The following MACROD2 variants were observed in gnomAD, a reference collection of about 807,000 sequenced individuals.
The protein encoded by MACROD2 is ADP-ribose glycohydrolase MACROD2.
A neutral mutation model predicts 70.4 loss-of-function variants in MACROD2; 36 were observed. The ratio of observed to expected loss-of-function variants is 0.51; its 90% CI spans 0.39 to 0.68. The LOEUF (loss-of-function observed/expected upper bound fraction) is 0.68, where lower values mean the gene tolerates loss of function less well. Ranked by LOEUF, MACROD2 falls within the 30% of genes least tolerant of loss-of-function variation. The pLI, the probability that MACROD2 is intolerant of heterozygous loss-of-function variation, is 0.00. For missense variants in MACROD2, 496 were observed against 538.4 expected, an observed-to-expected ratio of 0.92 and a Z score of 0.78; for synonymous variants, 172 against 178.8, an observed-to-expected ratio of 0.96 and a Z score of 0.30.
At chr20:15,836,320 G>A (rs898000416) in intron 8 of MACROD2, among the ~76,000 whole-genome samples, 2 of 152,104 alleles carry the variant, frequency 1.3e-5, no homozygotes, top group African/African-American at 4.8e-5. Context: ...AACCCCTTAT[G>A]ACTGACACAC....
chr20:14,168,387 T>C (rs925585020), intron 3 of MACROD2, among the ~76,000 whole-genome samples: 1 of 152,208 alleles, frequency 6.6e-6, no homozygotes, highest in Admixed American at 6.5e-5. Context: ...CAAGACTTTT[T>C]TTTAGAGCAG....
intron 15 of MACROD2, among the ~76,000 whole-genome samples, chr20:16,020,479 A>G (rs973246314): frequency 6.6e-6 from 1 of 151,580 alleles, no homozygotes; most frequent in Non-Finnish European, 1.5e-5. Context: ...TTGTAATCAC[A>G]TCAGTCTGTG....
chr20:14,864,777 A>G (rs1162621872), intron 5 of MACROD2, among the ~76,000 whole-genome samples: 2 of 152,062 alleles, frequency 1.3e-5, no homozygotes, highest in African/African-American at 4.8e-5. Flanking sequence ...TAGATCTAAA[A>G]TCCCAGTTTG....
chr20:15,447,556 C>T (rs535469224), intron 7 of MACROD2, among the ~76,000 whole-genome samples: 1 of 152,310 alleles, frequency 6.6e-6, no homozygotes, highest in South Asian at 2.1e-4. Context: ...ATGGCCACTT[C>T]TCCAGCTCCC....
intron 8 of MACROD2, among the ~76,000 whole-genome samples, chr20:15,742,403 G>A (rs1298169375): frequency 6.6e-6 from 1 of 152,180 alleles, no homozygotes; most frequent in African/African-American, 2.4e-5. Flanking sequence ...CAATCTGGAT[G>A]TTTCGAGAGA....
At chr20:14,883,923 A>T (rs1438523222) in intron 5 of MACROD2, among the ~76,000 whole-genome samples, 2 of 148,304 alleles carry the variant, frequency 1.3e-5, no homozygotes, top group South Asian at 2.1e-4. Context: ...TGGTTTTGTT[A>T]TATTAATTTG....
chr20:15,335,943 C>G (rs374283515), intron 6 of MACROD2, among the ~76,000 whole-genome samples: 1 of 151,798 alleles, frequency 6.6e-6, no homozygotes, highest in East Asian at 1.9e-4. Context: ...ACATGCCTTG[C>G]GCTTTCTAGC....
At chr20:15,145,081 G>A (rs1483293877) in intron 5 of MACROD2, among the ~76,000 whole-genome samples, 1 of 152,074 alleles carries the variant, frequency 6.6e-6, no homozygotes, top group Non-Finnish European at 1.5e-5. Context: ...TCAGTAAATG[G>A]TTATCTTGGA....
At chr20:14,457,073 C>A (rs1410474423) in intron 3 of MACROD2, among the ~76,000 whole-genome samples, 1 of 151,970 alleles carries the variant, frequency 6.6e-6, no homozygotes, top group Non-Finnish European at 1.5e-5. Flanking sequence ...TCGCAGTATT[C>A]TAAGACCTCA....
intron 5 of MACROD2, among the ~76,000 whole-genome samples, chr20:15,116,090 C>T (rs950243599): frequency 3.3e-5 from 5 of 152,170 alleles, no homozygotes; most frequent in African/African-American, 1.2e-4. Context: ...ACCTTCTTTC[C>T]TTCCTGGTAA....
chr20:14,032,515 C>T (rs1353416703), intron 2 of MACROD2, among the ~76,000 whole-genome samples: 1 of 152,084 alleles, frequency 6.6e-6, no homozygotes, highest in Non-Finnish European at 1.5e-5. Context: ...CTAGTAACGC[C>T]TTGCTGTTAC....
chr20:15,736,534 G>C (rs149973411), intron 8 of MACROD2, among the ~76,000 whole-genome samples: 1 of 132,706 alleles, frequency 7.5e-6, no homozygotes, highest in African/African-American at 2.6e-5. Context: ...CTTTACAAGA[G>C]CTGAGAGTAG....
chr20:15,500,481 C>T (rs144104317), intron 8 of MACROD2, among the ~76,000 whole-genome samples: 300 of 152,180 alleles, frequency 2.0e-3, no homozygotes, highest in African/African-American at 7.1e-3. Flanking sequence ...AACTAGAGAC[C>T]GTGGAGCGTT....
intron 2 of MACROD2, among the ~76,000 whole-genome samples, chr20:14,046,399 C>T (rs1180801602): frequency 1.3e-5 from 2 of 152,142 alleles, no homozygotes; most frequent in Non-Finnish European, 2.9e-5. Context: ...AAAAATCTGA[C>T]AGTATTGTGT....
chr20:16,032,756 G>GGGAAGAGAGGAA (rs201685550), intron 15 of MACROD2, among the ~76,000 whole-genome samples: 73 of 99,610 alleles, frequency 7.3e-4, no homozygotes, highest in Non-Finnish European at 1.4e-3. Context: ...AAAGGGAGGA[G>GGGAAGAGAGGAA]GGAAGAGAGG....
chr20:15,313,380 G>A (rs565294429), intron 6 of MACROD2, among the ~76,000 whole-genome samples: 22 of 151,818 alleles, frequency 1.4e-4, no homozygotes, highest in Middle Eastern at 3.4e-3. Flanking sequence ...GGTGGCGGGC[G>A]CCTGTAGTCC....
chr20:14,722,865 A>G (rs1013679538), intron 5 of MACROD2, among the ~76,000 whole-genome samples: 3 of 152,230 alleles, frequency 2.0e-5, no homozygotes, highest in African/African-American at 7.2e-5. Context: ...ATCTTCTGCC[A>G]AAGATAGATA....
intron 6 of MACROD2, among the ~76,000 whole-genome samples, chr20:15,256,725 G>C (rs2077202805): frequency 6.6e-6 from 1 of 151,990 alleles, no homozygotes; most frequent in Non-Finnish European, 1.5e-5. Context: ...AGTTTCTGAA[G>C]TCTCATTAAC....
intron 6 of MACROD2, among the ~76,000 whole-genome samples, chr20:15,420,679 G>A (rs74642849): frequency 0.042 from 6,386 of 152,192 alleles, 179 homozygotes; most frequent in Middle Eastern, 0.078. Flanking sequence ...GAGCAATTTG[G>A]TAGTATTTTT....
Sources: allele counts gnomAD v4.1 joint callset (sites outside exome capture counted in the v4.1 genomes callset), GRCh38; gene constraint gnomAD v4.1.1; transcripts MANE v1.5; gene names NCBI Gene and HGNC (gene_info 2026-07-23, HGNC 2026-07-21).